POU6F2: variants seen among roughly 807,000 people sequenced by gnomAD.
POU6F2 encodes the protein POU domain, class 6, transcription factor 2.
In POU6F2, 31 loss-of-function variants were observed where a neutral mutation model predicts 71.3. That is an observed-to-expected ratio of 0.43 (90% CI 0.33 to 0.59). The LOEUF is 0.59. Ranked by LOEUF, POU6F2 falls within the 20% of genes least tolerant of loss-of-function variation. The pLI is 0.04. For missense variants in POU6F2, 783 were observed against 856.8 expected (o/e 0.91, Z 1.07); for synonymous variants, 347 against 355.7 (o/e 0.98, Z 0.27).
intron 4 of POU6F2, among the ~76,000 whole-genome samples, chr7:39,259,835 A>G (rs1784097326): frequency 6.6e-6 from 1 of 151,944 alleles, no homozygotes; most frequent in African/African-American, 2.4e-5. Context: ...CAGCTTTCCT[A>G]GGCACCATGC....
At chr7:39,013,354 C>T (rs1270402106) in intron 1 of POU6F2, 1 of 152,374 alleles carries the variant, frequency 6.6e-6, no homozygotes, top group African/African-American at 2.4e-5. Context: ...CTTGCGCTTC[C>T]CAAGTGAGGC....
intron 4 of POU6F2, among the ~76,000 whole-genome samples, chr7:39,214,388 T>C (rs1476707500): frequency 6.6e-6 from 1 of 152,182 alleles, no homozygotes; most frequent in Non-Finnish European, 1.5e-5. Context: ...CATTTTCTTT[T>C]TCCCTAACAC....
intron 4 of POU6F2, among the ~76,000 whole-genome samples, chr7:39,247,849 A>T (rs1349146276): frequency 6.6e-6 from 1 of 152,116 alleles, no homozygotes; most frequent in Non-Finnish European, 1.5e-5. Flanking sequence ...AATAGGTAGG[A>T]CCCCTGTCAG....
At chr7:39,043,858 C>A (rs1453055748) in intron 1 of POU6F2, among the ~76,000 whole-genome samples, 1 of 151,890 alleles carries the variant, frequency 6.6e-6, no homozygotes, top group African/African-American at 2.4e-5. Context: ...CATTCTGCCC[C>A]CTTGGTCCTC....
At chr7:39,149,534 A>G (rs1238208370) in intron 2 of POU6F2, among the ~76,000 whole-genome samples, 2 of 152,230 alleles carry the variant, frequency 1.3e-5, no homozygotes, top group African/African-American at 4.8e-5. Flanking sequence ...AAGAGCAGCT[A>G]AAATCTATTT....
chr7:39,056,777 G>A lies in POU6F2; in HGVS notation c.106-29083G>A, dbSNP rs369496583. 7.9e-4 allele frequency among the ~76,000 whole-genome samples: 120 copies of A among 151,694 alleles called. No homozygotes were observed. The Middle Eastern group carries it at 0.01, about 13-fold the overall frequency. On this transcript the variant is annotated intron_variant, in intron 1 of 9. Coordinates refer to ENST00000518318, the MANE Select transcript of POU6F2 (RefSeq NM_001370959.1). ...ACATTTTTTAATAATAGAATTGTGC[G>A]TATGTGGGTATTTATTTAGACTTTG...
chr7:39,324,978 C>T (rs905369300), intron 4 of POU6F2, among the ~76,000 whole-genome samples: 2 of 152,158 alleles, frequency 1.3e-5, no homozygotes, highest in Non-Finnish European at 2.9e-5. Flanking sequence ...CCAAATTACT[C>T]ACCCAGTATC....
intron 8 of POU6F2, among the ~76,000 whole-genome samples, chr7:39,454,712 ATATATATATAT>A (rs1788756189): frequency 5.9e-5 from 5 of 85,196 alleles, no homozygotes; most frequent in African/African-American, 1.7e-4. Flanking sequence ...ATATATATAT[ATATATATATAT>A]ATATAAAATA....
chr7:38,992,380 A>G (rs1052551370), intron 1 of POU6F2, among the ~76,000 whole-genome samples: 2 of 152,228 alleles, frequency 1.3e-5, no homozygotes, highest in Admixed American at 6.5e-5. Context: ...CTTCTCAGCC[A>G]TGGTTCCTTA....
intron 4 of POU6F2, among the ~76,000 whole-genome samples, chr7:39,274,124 T>C (rs954746665): frequency 6.6e-6 from 1 of 152,012 alleles, no homozygotes; most frequent in African/African-American, 2.4e-5. Flanking sequence ...GAACCAGTCG[T>C]ATAAAAAATT....
At chr7:39,108,780 T>G (rs1258908861) in intron 2 of POU6F2, among the ~76,000 whole-genome samples, 1 of 152,196 alleles carries the variant, frequency 6.6e-6, no homozygotes, top group South Asian at 2.1e-4. Flanking sequence ...GAAATAAATA[T>G]GTGGAGAAGT....
chr7:39,010,631 G>A (rs1383053112), intron 1 of POU6F2, among the ~76,000 whole-genome samples: 3 of 138,258 alleles, frequency 2.2e-5, no homozygotes, highest in Non-Finnish European at 4.7e-5. Flanking sequence ...GTCAATTTTG[G>A]ATCTTTCCTG....
chr7:39,355,597 G>A (rs1238905190), intron 5 of POU6F2, among the ~76,000 whole-genome samples: 29 of 152,018 alleles, frequency 1.9e-4, no homozygotes, highest in Non-Finnish European at 1.5e-5. Flanking sequence ...CATATTGCAT[G>A]TGATATGAGC....
intron 5 of POU6F2, among the ~76,000 whole-genome samples, chr7:39,365,710 A>T (rs1462424311): frequency 6.6e-6 from 1 of 152,206 alleles, no homozygotes; most frequent in African/African-American, 2.4e-5. Context: ...CCCATCAAAA[A>T]GTAGATTATC....
rs937700017 is a variant in POU6F2, at chr7:39,353,929, A to T, written c.972+13914A>T. ...ATCAAATTAATCATAATGTCGGGTT[A>T]CAGCTGTAGGTCTGATGTAATTTGC... On this transcript the variant is annotated intron_variant, in intron 5 of 9. Transcript: ENST00000518318. Among the ~76,000 whole-genome samples the T allele has an allele frequency of 5.3e-5, 8 of 152,248 alleles. No individual in the cohort carries two copies. The South Asian group carries it at 1.4e-3, about 28-fold the overall frequency.
intron 7 of POU6F2, among the ~76,000 whole-genome samples, chr7:39,433,510 TACAA>T (rs1381419793): frequency 2.6e-5 from 4 of 152,208 alleles, no homozygotes; most frequent in African/African-American, 7.2e-5. Flanking sequence ...TATATTAAAT[TACAA>T]ACAGAGAGAG....
At chr7:39,215,506 T>G (rs1194409537) in intron 4 of POU6F2, among the ~76,000 whole-genome samples, 1 of 152,238 alleles carries the variant, frequency 6.6e-6, no homozygotes, top group Non-Finnish European at 1.5e-5. Flanking sequence ...CACACCAGTT[T>G]GATAAGAAAC....
At chr7:39,164,157 G>A (rs139357455) in intron 2 of POU6F2, among the ~76,000 whole-genome samples, 1,696 of 151,710 alleles carry the variant, frequency 0.011, 34 homozygotes, top group African/African-American at 0.038. Flanking sequence ...TAGCCATTCC[G>A]CAATGTATAC....
chr7:39,134,553 T>C (rs1378683258), intron 2 of POU6F2, among the ~76,000 whole-genome samples: 2 of 152,230 alleles, frequency 1.3e-5, no homozygotes, highest in African/African-American at 4.8e-5. Flanking sequence ...AAGTGTGGTC[T>C]AAACTTTAAT....
Sources: allele counts gnomAD v4.1 joint callset (sites outside exome capture counted in the v4.1 genomes callset), GRCh38; gene constraint gnomAD v4.1.1; transcripts MANE v1.5; gene names NCBI Gene and HGNC (gene_info 2026-07-23, HGNC 2026-07-21).